The following FOXP2 variants were observed in gnomAD, a reference collection of about 807,000 sequenced individuals.
FOXP2 encodes the protein forkhead box protein P2.
FOXP2 carries 12 observed loss-of-function variants against 115.8 expected under a neutral mutation model. That is an observed-to-expected ratio of 0.10 (90% CI 0.07 to 0.17). The LOEUF (loss-of-function observed/expected upper bound fraction) is 0.17, where lower values mean the gene tolerates loss of function less well. Among genes scored for constraint, FOXP2 ranks in the 10% least tolerant of loss-of-function variants. The pLI is 1.00. For missense variants in FOXP2, 629 were observed against 843.5 expected (o/e 0.75, Z 3.15); for synonymous variants, 328 against 297.7 (o/e 1.10, Z -1.05).
chr7:114,359,136 C>T (rs113431298), intron 2 of FOXP2, among the ~76,000 whole-genome samples: 2,442 of 152,278 alleles, frequency 0.016, 62 homozygotes, highest in African/African-American at 0.055. Flanking sequence ...GACTTGGTGA[C>T]TTGTGTCCCA....
At chr7:114,192,346 A>G (rs1793783736) in intron 1 of FOXP2, among the ~76,000 whole-genome samples, 1 of 152,112 alleles carries the variant, frequency 6.6e-6, no homozygotes, top group African/African-American at 2.4e-5. Context: ...ACATTTCATT[A>G]TATGGATGCT....
intron 1 of FOXP2, among the ~76,000 whole-genome samples, chr7:114,167,524 C>T (rs1330892311): frequency 6.6e-6 from 1 of 152,042 alleles, no homozygotes; most frequent in South Asian, 2.1e-4. Flanking sequence ...TCATAGCTCC[C>T]GTAATTTTCA....
chr7:114,608,419 C>CA (rs748253483), intron 3 of FOXP2, among the ~76,000 whole-genome samples: 17 of 152,250 alleles, frequency 1.1e-4, no homozygotes, highest in Non-Finnish European at 2.1e-4. Flanking sequence ...CAGTTCACAG[C>CA]ATGACAGCTT....
intron 2 of FOXP2, among the ~76,000 whole-genome samples, chr7:114,484,268 AATTTGTGT>A (rs1312353131): frequency 6.6e-6 from 1 of 151,804 alleles, no homozygotes; most frequent in Non-Finnish European, 1.5e-5. Context: ...AAAGCAAGAG[AATTTGTGT>A]ATTTGTGTAT....
chr7:114,129,313 T>C (rs975921553), intron 1 of FOXP2, among the ~76,000 whole-genome samples: 10 of 152,200 alleles, frequency 6.6e-5, no homozygotes, highest in Non-Finnish European at 8.8e-5. Context: ...ATTACTATCT[T>C]GCATGTTTGT....
chr7:114,580,249 A>G (rs1377394669), intron 3 of FOXP2, among the ~76,000 whole-genome samples: 1 of 152,188 alleles, frequency 6.6e-6, no homozygotes, highest in East Asian at 1.9e-4. Flanking sequence ...CGTCATCTTA[A>G]CTAGGGGAAG....
chr7:114,626,165 T>A (rs1433684410), intron 3 of FOXP2, among the ~76,000 whole-genome samples: 1 of 151,808 alleles, frequency 6.6e-6, no homozygotes, highest in Admixed American at 6.6e-5. Context: ...TCAAACCATT[T>A]TAGGAGTAAA....
chr7:114,281,664 ATATT>A (rs1554361242), intron 1 of FOXP2, among the ~76,000 whole-genome samples: 1 of 152,184 alleles, frequency 6.6e-6, no homozygotes, highest in Non-Finnish European at 1.5e-5. Context: ...TAAAATATAT[ATATT>A]TAAGTATTTC....
chr7:114,124,887 A>T (rs954690816), intron 1 of FOXP2, among the ~76,000 whole-genome samples: 15 of 152,078 alleles, frequency 9.9e-5, no homozygotes, highest in African/African-American at 3.6e-4. Flanking sequence ...GCTACAATTC[A>T]TGATTACTCT....
intron 1 of FOXP2, among the ~76,000 whole-genome samples, chr7:114,223,187 T>C (rs930648334): frequency 3.3e-5 from 5 of 152,024 alleles, no homozygotes; most frequent in African/African-American, 1.2e-4. Context: ...CAAATTATTT[T>C]CAAAAATGGA....
At chr7:114,171,676 G>C (rs543872768) in intron 1 of FOXP2, among the ~76,000 whole-genome samples, 3 of 152,170 alleles carry the variant, frequency 2.0e-5, no homozygotes, top group Non-Finnish European at 4.4e-5. Flanking sequence ...CCATTCCATA[G>C]CGCACAGATC....
chr7:114,097,869 A>T (rs1210974904), intron 1 of FOXP2, among the ~76,000 whole-genome samples: 1 of 152,244 alleles, frequency 6.6e-6, no homozygotes, highest in African/African-American at 2.4e-5. Flanking sequence ...TCATTCCTGA[A>T]TCATTGTGTG....
intron 1 of FOXP2, among the ~76,000 whole-genome samples, chr7:114,232,813 C>CA (rs35497556): frequency 0.3 from 35,727 of 119,790 alleles, 4,735 homozygotes; most frequent in African/African-American, 0.38. Flanking sequence ...AACTCCGTCT[C>CA]AAAAAAAAAA....
chr7:114,349,346 A>T (rs1411416381), intron 2 of FOXP2, among the ~76,000 whole-genome samples: 3 of 152,124 alleles, frequency 2.0e-5, no homozygotes. Context: ...TGAGATAGGA[A>T]TGATTATCAT....
intron 2 of FOXP2, among the ~76,000 whole-genome samples, chr7:114,510,659 C>T (rs982701323): frequency 6.6e-6 from 1 of 152,130 alleles, no homozygotes; most frequent in Non-Finnish European, 1.5e-5. Context: ...CAATGAGATA[C>T]CATTTCATGC....
rs191541699 is a variant in FOXP2 at position 114,661,461 on chromosome 7, A to C, written c.1648-604A>C. 1.5e-3 allele frequency among the ~76,000 whole-genome samples: 227 copies of C among 152,214 alleles called. 1 individual carries two copies. The highest frequency in any genetic ancestry group is 4.1e-3 in the African/African-American group (169 of 41,560). Reference sequence around the variant, plus strand: ...ACTTTCAGTTGAGTTTAACATTTACAAAAACTTTATTGGGAATTTAAAAAA... The same window carrying C: ...ACTTTCAGTTGAGTTTAACATTTACCAAAACTTTATTGGGAATTTAAAAAA... On this transcript the variant is annotated intron_variant, in intron 13 of 16. Transcript: ENST00000350908.
chr7:114,374,761 G>A (rs967936379), intron 2 of FOXP2, among the ~76,000 whole-genome samples: 1 of 152,152 alleles, frequency 6.6e-6, no homozygotes, highest in African/African-American at 2.4e-5. Context: ...TAGCACCTGA[G>A]GCAATGTAGC....
chr7:114,401,210 G>T (rs1228055741), intron 2 of FOXP2, among the ~76,000 whole-genome samples: 1 of 152,038 alleles, frequency 6.6e-6, no homozygotes, highest in South Asian at 2.1e-4. Flanking sequence ...CTAATGTTTG[G>T]CCTAGCAAAA....
rs756431980 is a variant in FOXP2 at position 114,690,399 on chromosome 7, T to C, written c.*473T>C. 2 of 454,080 alleles carry C rather than the reference T, an allele frequency of 4.4e-6. No individual in the cohort carries two copies. The highest frequency in any genetic ancestry group is 1.4e-3 in the Middle Eastern group (2 of 1,446). 28.1% of individuals were successfully genotyped at this position (454,080 alleles called of 1,614,324 possible). The stretch of plus-strand genomic sequence containing the variant: ...GCTGGTCAAGTTCAACTTGTTGCTA[T>C]TGTTTTTAATTTGCACAGGAGTAGT... On this transcript the variant is annotated 3_prime_UTR_variant, in exon 17 of 17. Coordinates refer to ENST00000350908, the MANE Select transcript of FOXP2 (RefSeq NM_014491.4).
Sources: gnomAD v4.1 joint callset for allele counts (sites outside exome capture counted in the v4.1 genomes callset) on GRCh38, gnomAD v4.1.1 for gene constraint, MANE v1.5 for transcripts, NCBI Gene and HGNC (gene_info 2026-07-23, HGNC 2026-07-21) for gene names.